Variants in GLIS3 observed in about 807,000 individuals in gnomAD.
The protein encoded by GLIS3 is zinc finger protein GLIS3.
A neutral mutation model predicts 78.6 loss-of-function variants in GLIS3; 53 were observed. The observed-to-expected ratio is 0.67, with a 90% confidence interval of 0.54 to 0.85. The LOEUF (loss-of-function observed/expected upper bound fraction) is 0.85, where lower values mean the gene tolerates loss of function less well. Ranked by LOEUF, GLIS3 falls within the 40% of genes least tolerant of loss-of-function variation. The pLI is 0.00. For synonymous variants in GLIS3, 684 were observed against 509.9 expected (o/e 1.34, Z -4.60); for missense variants, 1,703 against 1,231.1 (o/e 1.38, Z -5.74).
chr9:4,200,330 A>AGACC (rs1211654390), intron 2 of GLIS3, among the ~76,000 whole-genome samples: 2 of 152,144 alleles, frequency 1.3e-5, no homozygotes, highest in African/African-American at 4.8e-5. Context: ...AAAAAAATTG[A>AGACC]GACCCAGAAA....
chr9:4,450,884 A>C, the GLIS3 span, among the ~76,000 whole-genome samples: 1 of 152,208 alleles, frequency 6.6e-6, no homozygotes, highest in Non-Finnish European at 1.5e-5. Context: ...GGTACCAGAC[A>C]CTGCAAAAAC....
chr9:4,373,671 T>C, the GLIS3 span, among the ~76,000 whole-genome samples: 2 of 128,734 alleles, frequency 1.6e-5, no homozygotes, highest in Non-Finnish European at 3.2e-5. Flanking sequence ...TTTTCTTTTC[T>C]TTTTTTTTTT....
At chr9:4,341,928 C>G (rs1371186108) in intron 2 of GLIS3, among the ~76,000 whole-genome samples, 1 of 152,112 alleles carries the variant, frequency 6.6e-6, no homozygotes, top group Non-Finnish European at 1.5e-5. Flanking sequence ...TGTCCTTTGC[C>G]CATCTTTTAA....
At chr9:4,397,024 C>CTTTTTTTTTTTTTT in the GLIS3 span, among the ~76,000 whole-genome samples, 1 of 121,206 alleles carries the variant, frequency 8.3e-6, no homozygotes, top group Non-Finnish European at 1.8e-5. Flanking sequence ...TTCTTTTTTT[C>CTTTTTTTTTTTTTT]TTTTTTTTTT....
intron 2 of GLIS3, among the ~76,000 whole-genome samples, chr9:4,268,584 G>C (rs994486535): frequency 6.6e-6 from 1 of 152,136 alleles, no homozygotes; most frequent in African/African-American, 2.4e-5. Context: ...GGCAATGTAA[G>C]AGCAAGAATA....
chr9:3,844,391 C>T (rs1378324), intron 9 of GLIS3, among the ~76,000 whole-genome samples: 32,042 of 152,000 alleles, frequency 0.21, 3,552 homozygotes, highest in South Asian at 0.32. Flanking sequence ...AACAGAGGAA[C>T]GCCTAGAATA....
At chr9:3,981,173 G>A (rs901984564) in intron 4 of GLIS3, among the ~76,000 whole-genome samples, 15 of 152,130 alleles carry the variant, frequency 9.9e-5, no homozygotes, top group Admixed American at 6.5e-5. Flanking sequence ...AGCCCTCTGT[G>A]CTCAGCCCTC....
At chr9:3,915,713 C>A (rs1056158805) in intron 6 of GLIS3, among the ~76,000 whole-genome samples, 2 of 152,178 alleles carry the variant, frequency 1.3e-5, no homozygotes, top group Non-Finnish European at 2.9e-5. Context: ...TGGAAAGATG[C>A]TATTACTGGA....
At chr9:4,053,499 TC>T (rs1825888269) in intron 4 of GLIS3, among the ~76,000 whole-genome samples, 1 of 152,056 alleles carries the variant, frequency 6.6e-6, no homozygotes, top group African/African-American at 2.4e-5. Context: ...CTACTTCTCT[TC>T]CTTTCTAGAC....
intron 8 of GLIS3, among the ~76,000 whole-genome samples, chr9:3,876,262 C>T (rs1821298927): frequency 6.6e-6 from 1 of 151,614 alleles, no homozygotes; most frequent in Non-Finnish European, 1.5e-5. Flanking sequence ...TTCTGAAAGA[C>T]AATAATAATA....
intron 6 of GLIS3, among the ~76,000 whole-genome samples, chr9:3,921,052 T>G (rs1256348874): frequency 2.0e-5 from 3 of 152,198 alleles, no homozygotes; most frequent in Non-Finnish European, 4.4e-5. Context: ...GACTTCGCAG[T>G]ATGGTTGTCA....
chr9:4,351,183 C>T (rs917926961), upstream of GLIS3, among the ~76,000 whole-genome samples: 5 of 152,234 alleles, frequency 3.3e-5, no homozygotes, highest in East Asian at 9.7e-4. Context: ...GTGGAGGTTG[C>T]AGTGAGCCAA....
the GLIS3 span, among the ~76,000 whole-genome samples, chr9:4,412,310 C>G: frequency 3.9e-5 from 6 of 152,284 alleles, no homozygotes; most frequent in East Asian, 9.6e-4. Context: ...TTTCTTTAAC[C>G]AAAGTTTTTT....
chr9:4,392,627 C>G, the GLIS3 span, among the ~76,000 whole-genome samples: 2 of 152,082 alleles, frequency 1.3e-5, no homozygotes, highest in East Asian at 3.9e-4. Flanking sequence ...TTAATGTTTT[C>G]TTTTTTCTCC....
intron 2 of GLIS3, among the ~76,000 whole-genome samples, chr9:4,240,721 C>G (rs1245420700): frequency 6.6e-6 from 1 of 152,198 alleles, no homozygotes; most frequent in South Asian, 2.1e-4. Flanking sequence ...TTCATCAAAT[C>G]ACAGTAAAAC....
the GLIS3 span, among the ~76,000 whole-genome samples, chr9:4,454,586 C>A: frequency 6.6e-6 from 1 of 152,174 alleles, no homozygotes; most frequent in African/African-American, 2.4e-5. Flanking sequence ...CTAGGAGATA[C>A]TAGTGGACAC....
chr9:4,390,258 A>G, the GLIS3 span, among the ~76,000 whole-genome samples: 1 of 152,404 alleles, frequency 6.6e-6, no homozygotes, highest in East Asian at 1.9e-4. Flanking sequence ...GCAATCATTC[A>G]TAATATGCAT....
At chr9:4,453,792 G>A in the GLIS3 span, among the ~76,000 whole-genome samples, 1 of 151,882 alleles carries the variant, frequency 6.6e-6, no homozygotes, top group East Asian at 1.9e-4. Context: ...GTTGGGAATT[G>A]AACAATGAGA....
chr9:4,323,287 G>C (rs1817563567), intron 2 of GLIS3, among the ~76,000 whole-genome samples: 1 of 152,070 alleles, frequency 6.6e-6, no homozygotes, highest in South Asian at 2.1e-4. Flanking sequence ...TGCCTGCCTT[G>C]GCCTCCCAAA....
Sources: allele counts gnomAD v4.1 joint callset (sites outside exome capture counted in the v4.1 genomes callset), GRCh38; gene constraint gnomAD v4.1.1; transcripts MANE v1.5; gene names NCBI Gene and HGNC (gene_info 2026-07-23, HGNC 2026-07-21).